The following ANOS1 variants were observed in gnomAD, a reference collection of about 807,000 sequenced individuals.
ANOS1 encodes anosmin 1, also known as anosmin-1.
ANOS1 carries 6 observed loss-of-function variants against 59.0 expected under a neutral mutation model. That is an observed-to-expected ratio of 0.10 (90% CI 0.06 to 0.20). ANOS1 has a LOEUF of 0.20. Among genes scored for constraint, ANOS1 ranks in the 10% least tolerant of loss-of-function variants. ANOS1 has a pLI of 1.00. For missense variants in ANOS1, 433 were observed against 542.3 expected, an observed-to-expected ratio of 0.80 and a Z score of 2.00; for synonymous variants, 217 against 223.4, an observed-to-expected ratio of 0.97 and a Z score of 0.25.
rs1462227079 is a variant in ANOS1 at position 8,568,216 on chromosome X, T to C, written c.1207+16A>G. Reference sequence around the variant, plus strand: ...CATGTCACAATCATCTTGAAAAACATGACACAGTCACTTACTGTTGTTGGT... The same window carrying C: ...CATGTCACAATCATCTTGAAAAACACGACACAGTCACTTACTGTTGTTGGT... On this transcript the variant is annotated intron_variant, in intron 8 of 13. Transcript: ENST00000262648. 1 of 1,207,959 alleles carries C rather than the reference T, an allele frequency of 8.3e-7. No homozygotes were observed. Among genetic ancestry groups the C allele is most frequent in the South Asian group, 1.8e-5 (1 of 56,634 alleles).
At chrX:8,666,716 C>A (rs988776435) in intron 2 of ANOS1, among the ~76,000 whole-genome samples, 1 of 112,326 alleles carries the variant, frequency 8.9e-6, no homozygotes, top group African/African-American at 3.2e-5. Context: ...AATGGACAGA[C>A]TGTTTTTGTA....
intron 1 of ANOS1, among the ~76,000 whole-genome samples, chrX:8,715,218 A>C (rs1315945560): frequency 1.8e-5 from 2 of 111,823 alleles, no homozygotes. Flanking sequence ...TTCAAATTTC[A>C]ATTTAAAAAT....
rs573368776 is a variant in ANOS1 at position 8,648,180 on chromosome X, G to A, written c.256-24510C>T. Reference sequence around the variant, plus strand: ...ATGATATATTAAAATAGAACAATTGGCCAGGCGTAGTTGCTCATGCCTGTA... The same window carrying A: ...ATGATATATTAAAATAGAACAATTGACCAGGCGTAGTTGCTCATGCCTGTA... On this transcript the variant is annotated intron_variant, in intron 2 of 13. Coordinates refer to ENST00000262648, the MANE Select transcript of ANOS1 (RefSeq NM_000216.4). Among the ~76,000 whole-genome samples the A allele has an allele frequency of 7.5e-4, 84 of 111,735 alleles. No homozygotes were observed. The South Asian group carries it at 0.029, about 39-fold the overall frequency.
At chrX:8,564,597 A>G (rs1014677100) in intron 8 of ANOS1, among the ~76,000 whole-genome samples, 2 of 112,022 alleles carry the variant, frequency 1.8e-5, no homozygotes, top group African/African-American at 6.5e-5. Context: ...TGTAGATGAG[A>G]TTTGACTTCA....
intron 2 of ANOS1, among the ~76,000 whole-genome samples, chrX:8,677,220 T>C (rs767980506): frequency 1.1e-4 from 12 of 111,380 alleles, no homozygotes; most frequent in Non-Finnish European, 1.3e-4. Context: ...ACGCAGCGTG[T>C]TGAGCTGCAT....
chrX:8,643,699 C>T (rs1354331101), intron 2 of ANOS1, among the ~76,000 whole-genome samples: 2 of 111,887 alleles, frequency 1.8e-5, no homozygotes, highest in East Asian at 5.6e-4. Flanking sequence ...CAGTCTACCA[C>T]CTTTTAAAGG....
chrX:8,713,268 G>A, intron 1 of ANOS1, among the ~76,000 whole-genome samples: 1 of 110,169 alleles, frequency 9.1e-6, no homozygotes, highest in Non-Finnish European at 1.9e-5. Flanking sequence ...TGTCCAAGCT[G>A]GGGGATGGAG....
chrX:8,622,525 C>T (rs954164276), intron 3 of ANOS1, among the ~76,000 whole-genome samples: 1 of 111,863 alleles, frequency 8.9e-6, no homozygotes, highest in African/African-American at 3.2e-5. Flanking sequence ...TTTCACCCCC[C>T]AGTTCTGTTC....
chrX:8,684,709 C>A (rs1254411092), intron 2 of ANOS1, among the ~76,000 whole-genome samples: 9 of 109,651 alleles, frequency 8.2e-5, no homozygotes, highest in African/African-American at 3.0e-4. Flanking sequence ...AACACGAAAG[C>A]ATGAATCTTC....
chrX:8,593,004 T>C (rs140332650), intron 4 of ANOS1, among the ~76,000 whole-genome samples: 1,972 of 111,918 alleles, frequency 0.018, 47 homozygotes, highest in African/African-American at 0.061. Flanking sequence ...CTTGAAGCTA[T>C]AAAACCAGTA....
At chrX:8,682,983 C>T (rs1317670017) in intron 2 of ANOS1, among the ~76,000 whole-genome samples, 2 of 111,401 alleles carry the variant, frequency 1.8e-5, no homozygotes, top group Non-Finnish European at 3.8e-5. Flanking sequence ...CCCAGACACA[C>T]CACATCAGAA....
intron 10 of ANOS1, among the ~76,000 whole-genome samples, chrX:8,538,624 T>C (rs774969895): frequency 8.9e-6 from 1 of 111,895 alleles, no homozygotes; most frequent in South Asian, 3.7e-4. Flanking sequence ...ATATTAATAA[T>C]TCCAGCTTCT....
intron 1 of ANOS1, among the ~76,000 whole-genome samples, chrX:8,710,229 C>T (rs1932804586): frequency 1.8e-5 from 2 of 111,909 alleles, no homozygotes; most frequent in Admixed American, 1.9e-4. Flanking sequence ...CACGCCCGGC[C>T]GTGTTATCTT....
At chrX:8,703,136 C>G (rs922601516) in intron 1 of ANOS1, among the ~76,000 whole-genome samples, 1 of 112,224 alleles carries the variant, frequency 8.9e-6, no homozygotes, top group Non-Finnish European at 1.9e-5. Flanking sequence ...TTTATTTTGT[C>G]TGTGTCTTGG....
intron 1 of ANOS1, among the ~76,000 whole-genome samples, chrX:8,704,777 A>T (rs1932772368): frequency 8.9e-6 from 1 of 111,818 alleles, no homozygotes; most frequent in African/African-American, 3.2e-5. Flanking sequence ...CAGGATTTTT[A>T]AAAAATCCTT....
intron 3 of ANOS1, among the ~76,000 whole-genome samples, chrX:8,617,325 G>A (rs1327535087): frequency 8.9e-6 from 1 of 112,188 alleles, no homozygotes; most frequent in East Asian, 2.8e-4. Context: ...ATAGAGCAGC[G>A]AAGAGATAAA....
chrX:8,713,864 C>T lies in ANOS1; in HGVS notation c.208-14119G>A, dbSNP rs181861784. Reference sequence around the variant, plus strand: ...CTGACCTCAGGTGATCCACCTGCCTCGGCCTCCCAAAGTGCTGGGATTACA... The same window carrying T: ...CTGACCTCAGGTGATCCACCTGCCTTGGCCTCCCAAAGTGCTGGGATTACA... On this transcript the variant is annotated intron_variant, in intron 1 of 13. Coordinates refer to ENST00000262648, the MANE Select transcript of ANOS1 (RefSeq NM_000216.4). 3.5e-3 allele frequency among the ~76,000 whole-genome samples: 388 copies of T among 111,356 alleles called. 2 individuals are homozygous for T. Among genetic ancestry groups the T allele is most frequent in the East Asian group, 0.024 (86 of 3,522 alleles).
chrX:8,582,170 A>T (rs1370196228), intron 6 of ANOS1, among the ~76,000 whole-genome samples: 1 of 112,810 alleles, frequency 8.9e-6, no homozygotes, highest in Non-Finnish European at 1.9e-5. Context: ...CAAGCAAAAT[A>T]CTAAGGCAGG....
Position 8,530,493 on chromosome X carries a change from T to C in ANOS1, c.*2502A>G, listed in dbSNP as rs781120552. ...TAATACTGGAGCTTATTAAAATCCA[T>C]AAGAGAAACACATGTTTTTTATTAG... On this transcript the variant is annotated 3_prime_UTR_variant, in exon 14 of 14. Transcript: ENST00000262648. 2 of 111,231 alleles carry C rather than the reference T, an allele frequency of 1.8e-5. No individual in the cohort carries two copies. Among genetic ancestry groups the C allele is most frequent in the South Asian group, 7.5e-4 (2 of 2,659 alleles). The allele number at this position is 111,231 out of a possible 1,213,427, so 9.2% of individuals were successfully genotyped here.
Sources: allele counts gnomAD v4.1 joint callset (sites outside exome capture counted in the v4.1 genomes callset), GRCh38; gene constraint gnomAD v4.1.1; transcripts MANE v1.5; gene names NCBI Gene and HGNC (gene_info 2026-07-23, HGNC 2026-07-21).